VWDE: variants seen among roughly 807,000 people sequenced by gnomAD.
VWDE encodes the protein von Willebrand factor D and EGF domains, also known as von Willebrand factor D and EGF domain-containing protein.
VWDE carries 207 observed loss-of-function variants against 178.4 expected under a neutral mutation model. The ratio of observed to expected loss-of-function variants is 1.16; its 90% CI spans 1.04 to 1.30. The LOEUF (loss-of-function observed/expected upper bound fraction) is 1.30, where lower values mean the gene tolerates loss of function less well. Among genes scored for constraint, VWDE ranks in the 50% most tolerant of loss-of-function variants. The pLI is 0.00. For missense variants in VWDE, 2,287 were observed against 1,901.3 expected (o/e 1.20, Z -3.77); for synonymous variants, 738 against 651.4 (o/e 1.13, Z -2.02).
chr7:12,373,329 G>T, intron 9 of VWDE, 82 bp from the exon 10 acceptor site: 1 of 1,392,382 alleles, frequency 7.2e-7, no homozygotes, highest in African/African-American at 1.4e-5. Context: ...ACAGCTTTAT[G>T]TATCACGATC....
chr7:12,383,489 G>T, intron 4 of VWDE, 47 bp downstream of exon 4: 1 of 1,369,934 alleles, frequency 7.3e-7, no homozygotes, highest in Non-Finnish European at 1.0e-6. Flanking sequence ...TGTTGAAATA[G>T]TCTAGTTTAT....
At chr7:12,351,455 T>A (rs1283268797) in intron 19 of VWDE, 118 bp downstream of exon 19, 1 of 1,096,524 alleles carries the variant, frequency 9.1e-7, no homozygotes, top group African/African-American at 1.6e-5. Context: ...CCGCATCATA[T>A]AACCTTTAGG....
At chr7:12,358,599 T>C (rs1436410686) in intron 16 of VWDE, among the ~76,000 whole-genome samples, 1 of 152,180 alleles carries the variant, frequency 6.6e-6, no homozygotes. Flanking sequence ...TAGCTCTGAC[T>C]CCTGTTCTGC....
intron 19 of VWDE, among the ~76,000 whole-genome samples, chr7:12,347,646 G>A (rs547946819): frequency 1.2e-4 from 19 of 152,134 alleles, no homozygotes; most frequent in Admixed American, 7.9e-4. Flanking sequence ...TGGCCATACT[G>A]CCCAAGGTAA....
At position 12,382,708 on chromosome 7, in the gene VWDE, T is replaced by C. The variant is rs186547563; in HGVS notation, c.541+828A>G. On this transcript the variant is annotated intron_variant, in intron 4 of 28. Coordinates refer to ENST00000275358, the MANE Select transcript of VWDE (RefSeq NM_001135924.3). The stretch of plus-strand genomic sequence containing the variant: ...TCTCTCATGCATTTCAGTTATCCTA[T>C]TTGGCTAACAAAATATGATAAGGCT... Among the ~76,000 whole-genome samples the C allele has an allele frequency of 3.9e-5, 6 of 151,968 alleles. No homozygotes were observed. The East Asian group carries it at 9.6e-4, about 24-fold the overall frequency.
intron 7 of VWDE, among the ~76,000 whole-genome samples, chr7:12,376,086 G>A (rs983366430): frequency 6.6e-6 from 1 of 152,062 alleles, no homozygotes; most frequent in African/African-American, 2.4e-5. Context: ...TCAGATATAG[G>A]CATACTGAAC....
At chr7:12,398,624 T>A (rs897895953) in intron 1 of VWDE, among the ~76,000 whole-genome samples, 1 of 152,168 alleles carries the variant, frequency 6.6e-6, no homozygotes, top group Non-Finnish European at 1.5e-5. Context: ...GCAATACTCA[T>A]TGTTTCAGTG....
chr7:12,384,566 C>T (rs1201122337), intron 3 of VWDE, among the ~76,000 whole-genome samples: 1 of 151,858 alleles, frequency 6.6e-6, no homozygotes, highest in Admixed American at 6.6e-5. Context: ...TGGGGGACGT[C>T]GACAATGGGG....
At chr7:12,362,782 A>G (rs1204588706) in intron 13 of VWDE, among the ~76,000 whole-genome samples, 1 of 152,090 alleles carries the variant, frequency 6.6e-6, no homozygotes, top group African/African-American at 2.4e-5. Context: ...GCAAATCTCC[A>G]TATTTAAGGG....
Position 12,375,201 on chromosome 7 carries a change from C to A in VWDE, c.1051G>T (p.Ala351Ser). 6.4e-7 allele frequency: 1 copy of A among 1,550,810 alleles called. No homozygotes were observed. Among genetic ancestry groups the A allele is most frequent in the Non-Finnish European group, 8.7e-7 (1 of 1,146,404 alleles). Residue 351 changes from alanine (A) to serine (S), a missense_variant, in exon 8 of 29, where the codon GCA becomes TCA. Transcript: ENST00000275358. ...QGREHLGLNL[A>S]LSSCHVDLLQ... Reference sequence around the variant, plus strand: ...AGGTCCACATGACAGGAAGACAGTGCCAAATTTAAGCCTAGGTGCTCTCTA... The same window carrying A: ...AGGTCCACATGACAGGAAGACAGTGACAAATTTAAGCCTAGGTGCTCTCTA...
At chr7:12,396,312 T>A (rs1420914817) in intron 1 of VWDE, among the ~76,000 whole-genome samples, 6 of 152,146 alleles carry the variant, frequency 3.9e-5, no homozygotes, top group Non-Finnish European at 5.9e-5. Context: ...ATAAACAATA[T>A]ATTAAGAAGC....
chr7:12,337,556 A>G lies in VWDE; in HGVS notation c.4367-284T>C, dbSNP rs149675195. ...TATATTATAAACCTTATGTTTCACT[A>G]TACAATAAAGCATGGAATGATCTAG... On this transcript the variant is annotated intron_variant, in intron 24 of 28. Transcript: ENST00000275358. Among the ~76,000 whole-genome samples, 176 of 152,324 alleles carry G rather than the reference A, an allele frequency of 1.2e-3. 2 individuals are homozygous for G. Among genetic ancestry groups the G allele is most frequent in the African/African-American group, 4.2e-3 (173 of 41,576 alleles).
rs192784643 is a variant in VWDE at position 12,396,684 on chromosome 7, G to A, written c.59-2906C>T. On this transcript the variant is annotated intron_variant, in intron 1 of 28. Transcript: ENST00000275358. ...GCACTTTGGCAGGCCAAGAGGCCAAGGCAGGTGGATCACCTGAGGCCAGGA... is the reference window on the plus strand; with the variant it reads ...GCACTTTGGCAGGCCAAGAGGCCAAAGCAGGTGGATCACCTGAGGCCAGGA... 2.3e-3 allele frequency among the ~76,000 whole-genome samples: 350 copies of A among 151,960 alleles called. 4 individuals carry two copies. Among genetic ancestry groups the A allele is most frequent in the African/African-American group, 7.8e-3 (324 of 41,410 alleles).
chr7:12,332,739 G>C (rs1780794546), intron 28 of VWDE, among the ~76,000 whole-genome samples: 1 of 152,100 alleles, frequency 6.6e-6, no homozygotes, highest in Non-Finnish European at 1.5e-5. Flanking sequence ...GATGACACCA[G>C]TGCTCGGAGA....
chr7:12,340,339 C>T lies in VWDE; in HGVS notation c.4349G>A (p.Gly1450Glu), dbSNP rs1583274720. The T allele has an allele frequency of 5.8e-6, 9 of 1,550,984 alleles. No individual in the cohort carries two copies. In the South Asian group the frequency reaches 9.5e-5, roughly 16 times the overall value. ...NTCLCPNGFF[G>E]EHCQNAFCHP... ...ATAATTACCATTCTGACAGTGTTCCCCAAAGAATCCATTTGGACAGAGGCA... is the reference window on the plus strand; with the variant it reads ...ATAATTACCATTCTGACAGTGTTCCTCAAAGAATCCATTTGGACAGAGGCA... The change falls in exon 24 of 29, where the codon GGG becomes GAG. Residue 1450 changes from glycine (G) to glutamate (E), a missense_variant. Coordinates refer to ENST00000275358, the MANE Select transcript of VWDE (RefSeq NM_001135924.3).
chr7:12,336,821 T>A (rs776002393), intron 26 of VWDE, among the ~76,000 whole-genome samples, 167 bp downstream of exon 26: 1 of 151,926 alleles, frequency 6.6e-6, no homozygotes, highest in African/African-American at 2.4e-5. Flanking sequence ...TTCAGAAGAG[T>A]AAAAACTCTT....
chr7:12,375,065 T>G lies in VWDE; in HGVS notation c.1187A>C (p.Gln396Pro). 6.4e-7 allele frequency: 1 copy of G among 1,551,338 alleles called. No homozygotes were observed. Among genetic ancestry groups the G allele is most frequent in the Non-Finnish European group, 8.7e-7 (1 of 1,146,692 alleles). ...DGDRVSNIVV[Q>P]PIVNEDFLWN... ...CAGGAAATCCTCATTAACTATTGGT[T>G]GCACTACAATGTTTGAGACTCTATC... Residue 396 changes from glutamine (Q) to proline (P), a missense_variant, in exon 8 of 29, where the codon CAA becomes CCA. Physicochemically the swap from Gln to Pro is moderately conservative, Grantham distance 76. Coordinates refer to ENST00000275358, the MANE Select transcript of VWDE (RefSeq NM_001135924.3).
intron 27 of VWDE, among the ~76,000 whole-genome samples, chr7:12,335,165 A>C (rs1780948896): frequency 6.6e-6 from 1 of 152,216 alleles, no homozygotes; most frequent in Non-Finnish European, 1.5e-5. Context: ...TTCAGTTTAC[A>C]ATACACTTGG....
At chr7:12,402,759 T>C (rs901933067) in intron 1 of VWDE, among the ~76,000 whole-genome samples, 1 of 152,182 alleles carries the variant, frequency 6.6e-6, no homozygotes, top group Admixed American at 6.5e-5. Context: ...AAGTTTTGTA[T>C]AGGATAGTGT....
Sources: allele counts gnomAD v4.1 joint callset (sites outside exome capture counted in the v4.1 genomes callset), GRCh38; gene constraint gnomAD v4.1.1; transcripts MANE v1.5; gene names NCBI Gene and HGNC (gene_info 2026-07-23, HGNC 2026-07-21).